CDC5L: variants seen among roughly 807,000 people sequenced by gnomAD.
The protein encoded by CDC5L is cell division cycle 5-like protein.
A neutral mutation model predicts 104.1 loss-of-function variants in CDC5L; 18 were observed. The ratio of observed to expected loss-of-function variants is 0.17; its 90% CI spans 0.12 to 0.26. The LOEUF (loss-of-function observed/expected upper bound fraction) is 0.26. Ranked by LOEUF, CDC5L falls within the 10% of genes least tolerant of loss-of-function variation. The pLI, the probability that CDC5L is intolerant of heterozygous loss-of-function variation, is 1.00. For missense variants in CDC5L, 673 were observed against 956.9 expected, an observed-to-expected ratio of 0.70 and a Z score of 3.91; for synonymous variants, 331 against 322.7, an observed-to-expected ratio of 1.03 and a Z score of -0.28.
At chr6:44,445,412 T>A (rs1793400184) in intron 14 of CDC5L, among the ~76,000 whole-genome samples, 1 of 152,196 alleles carries the variant, frequency 6.6e-6, no homozygotes, top group Non-Finnish European at 1.5e-5. Context: ...TCTTTGAAGT[T>A]CAATCGTGGG....
intron 2 of CDC5L, 144 bp downstream of exon 2, chr6:44,390,515 C>G (rs1460738251): frequency 3.2e-6 from 2 of 621,530 alleles, no homozygotes; most frequent in Admixed American, 3.1e-5. Flanking sequence ...GGGTGTTTGA[C>G]TTAGCTGTCA....
At chr6:44,411,037 GT>G (rs974351957) in intron 8 of CDC5L, among the ~76,000 whole-genome samples, 11 of 150,938 alleles carry the variant, frequency 7.3e-5, no homozygotes, top group African/African-American at 2.4e-4. Flanking sequence ...TATTTCATGA[GT>G]ATCTTATTTC....
chr6:44,445,675 G>A lies in CDC5L; in HGVS notation c.2112G>A (p.Thr704=), dbSNP rs755280763. 8 of 1,613,744 alleles carry A rather than the reference G, an allele frequency of 5.0e-6. No individual in the cohort carries two copies. The African/African-American group carries it at 6.7e-5, about 13-fold the overall frequency. The change falls in exon 15 of 16, where the codon ACG becomes ACA. Residue 704 remains threonine (T), a synonymous_variant. Coordinates refer to ENST00000371477, the MANE Select transcript of CDC5L (RefSeq NM_001253.4). ...KRLEINRGHM[T]TEAKRAAKME... ...TCCAGATAAACAGGGGTCACATGACGACAGAAGCCAAGAGGGCTGCAAAGA... is the reference window on the plus strand; with the variant it reads ...TCCAGATAAACAGGGGTCACATGACAACAGAAGCCAAGAGGGCTGCAAAGA...
chr6:44,449,193 C>G lies in CDC5L; in HGVS notation c.*2482C>G, dbSNP rs1463038753. On this transcript the variant is annotated 3_prime_UTR_variant, in exon 16 of 16. Coordinates refer to ENST00000371477, the MANE Select transcript of CDC5L (RefSeq NM_001253.4). ...CATACTTATAGCCTAAAAAAATCGGCAGGAATTACAAAATTTCAAAACTGG... is the reference window on the plus strand; with the variant it reads ...CATACTTATAGCCTAAAAAAATCGGGAGGAATTACAAAATTTCAAAACTGG... The G allele has an allele frequency of 2.6e-5, 4 of 152,146 alleles. No individual in the cohort carries two copies. Among genetic ancestry groups the G allele is most frequent in the African/African-American group, 9.7e-5 (4 of 41,418 alleles). The allele number at this position is 152,146 out of a possible 1,614,324, so 9.4% of individuals were successfully genotyped here.
Position 44,396,384 on chromosome 6 carries a change from T to C in CDC5L, c.483T>C (p.Asn161=), listed in dbSNP as rs143341809. 2.4e-4 allele frequency: 387 copies of C among 1,613,220 alleles called. No homozygotes were observed. The highest frequency in any genetic ancestry group is 2.9e-4 in the Non-Finnish European group (345 of 1,179,666). The part of the protein sequence containing the change: ...MLSEARARLA[N]TQGKKAKRKA... ...CTGAAGCCAGAGCCCGCTTGGCTAA[T>C]ACTCAGGGAAAGAAGGCCAAGAGGA... Residue 161 remains asparagine (N), a synonymous_variant, in exon 5 of 16, where the codon AAT becomes AAC. Coordinates refer to ENST00000371477, the MANE Select transcript of CDC5L (RefSeq NM_001253.4).
rs1790846978 is a variant in CDC5L, at chr6:44,395,882, A to G, written c.440-459A>G. On this transcript the variant is annotated intron_variant, in intron 4 of 15. Coordinates refer to ENST00000371477, the MANE Select transcript of CDC5L (RefSeq NM_001253.4). Reference sequence around the variant, plus strand: ...GGATGAGAGAAATTGTTCTGAGGGGAAAAAAAAGTATCTAATGATAGTTGT... The same window carrying G: ...GGATGAGAGAAATTGTTCTGAGGGGGAAAAAAAGTATCTAATGATAGTTGT... 2.0e-5 allele frequency among the ~76,000 whole-genome samples: 3 copies of G among 152,194 alleles called. No homozygotes were observed. The South Asian group carries it at 6.2e-4, about 32-fold the overall frequency.
chr6:44,392,987 A>T (rs1332825026), intron 3 of CDC5L, among the ~76,000 whole-genome samples, 159 bp downstream of exon 3: 6 of 152,192 alleles, frequency 3.9e-5, no homozygotes, highest in Non-Finnish European at 8.8e-5. Flanking sequence ...CAGATGGTTG[A>T]TCAAAATTAT....
At chr6:44,400,463 C>A (rs1791069858) in intron 5 of CDC5L, among the ~76,000 whole-genome samples, 1 of 152,356 alleles carries the variant, frequency 6.6e-6, no homozygotes, top group Non-Finnish European at 1.5e-5. Flanking sequence ...TCTCGGCTCA[C>A]TGCAACTTCT....
intron 2 of CDC5L, among the ~76,000 whole-genome samples, chr6:44,390,859 A>G (rs992845776): frequency 6.7e-6 from 1 of 148,364 alleles, no homozygotes; most frequent in African/African-American, 2.5e-5. Context: ...TTGAAATATT[A>G]TATATTTTAT....
chr6:44,403,681 G>T, intron 5 of CDC5L, 128 bp from the exon 6 acceptor site: 1 of 657,662 alleles, frequency 1.5e-6, no homozygotes, highest in Non-Finnish European at 2.5e-6. Flanking sequence ...TTGGTGAATG[G>T]TGTGAGGTAA....
intron 13 of CDC5L, 101 bp downstream of exon 13, chr6:44,426,825 T>A: frequency 8.7e-7 from 1 of 1,152,860 alleles, no homozygotes; most frequent in Non-Finnish European, 1.2e-6. Flanking sequence ...TTGGTATTCA[T>A]AAACAACTGA....
chr6:44,400,221 G>C (rs376475596), intron 5 of CDC5L, among the ~76,000 whole-genome samples: 3 of 152,026 alleles, frequency 2.0e-5, no homozygotes, highest in Non-Finnish European at 4.4e-5. Flanking sequence ...GGCAGTTTCC[G>C]TTGCTTGCAT....
intron 8 of CDC5L, among the ~76,000 whole-genome samples, chr6:44,415,317 C>T (rs1456083313): frequency 2.0e-5 from 3 of 152,148 alleles, no homozygotes; most frequent in Non-Finnish European, 4.4e-5. Context: ...GAGCCATATG[C>T]AGTAAGTTTG....
chr6:44,422,079 G>C (rs567446810), intron 9 of CDC5L, among the ~76,000 whole-genome samples: 1 of 152,284 alleles, frequency 6.6e-6, no homozygotes, highest in South Asian at 2.1e-4. Flanking sequence ...CAAAATCTGT[G>C]GATCTTATTC....
At chr6:44,401,823 G>A (rs1428571543) in intron 5 of CDC5L, among the ~76,000 whole-genome samples, 1 of 147,464 alleles carries the variant, frequency 6.8e-6, no homozygotes, top group African/African-American at 2.5e-5. Flanking sequence ...CCCCACAACA[G>A]TCCCCAGAGC....
Position 44,446,701 on chromosome 6 carries a change from C to A in CDC5L, c.2399C>A (p.Ser800Ter). Residue 800 changes from serine to a stop codon, truncating the protein, a stop_gained, in exon 16 of 16, where the codon TCA becomes TAA. Transcript: ENST00000371477. LOFTEE classifies it high-confidence loss of function. ...CTGCTGGAGAAAGAGACTTTAAAGT[C>A]AAAATTCTGAAGTACAGTTTATATT... is the stretch of plus-strand genomic sequence containing the variant. ...DLLLEKETLKSKF is the reference protein window; with the variant it reads ...DLLLEKETLK 2 of 1,519,824 alleles carry A rather than the reference C, an allele frequency of 1.3e-6. No homozygotes were observed. Among genetic ancestry groups the A allele is most frequent in the Non-Finnish European group, 1.8e-6 (2 of 1,107,954 alleles). 94.1% of individuals were successfully genotyped at this position (1,519,824 alleles called of 1,614,324 possible).
At chr6:44,433,256 T>A (rs1484166067) in intron 14 of CDC5L, among the ~76,000 whole-genome samples, 1 of 152,196 alleles carries the variant, frequency 6.6e-6, no homozygotes, top group Non-Finnish European at 1.5e-5. Context: ...TCTCTGTGTT[T>A]GTGGGCTTCA....
intron 7 of CDC5L, 119 bp downstream of exon 7, chr6:44,406,586 G>GTTTAA: frequency 1.1e-6 from 1 of 881,994 alleles, no homozygotes; most frequent in Non-Finnish European, 1.8e-6. Flanking sequence ...GAAATTCACA[G>GTTTAA]TTTAATGGGT....
At chr6:44,393,618 C>T (rs1390932249) in intron 4 of CDC5L, 45 bp downstream of exon 4, 1 of 1,567,162 alleles carries the variant, frequency 6.4e-7, no homozygotes, top group African/African-American at 1.4e-5. Context: ...TAACTGTAAA[C>T]TCCTTGGGCC....
Sources: gnomAD v4.1 joint callset for allele counts (sites outside exome capture counted in the v4.1 genomes callset) on GRCh38, gnomAD v4.1.1 for gene constraint, MANE v1.5 for transcripts, NCBI Gene and HGNC (gene_info 2026-07-23, HGNC 2026-07-21) for gene names.